Variants in SAMMSON observed in about 807,000 individuals in gnomAD.
The protein encoded by SAMMSON is survival associated mitochondrial melanoma specific oncogenic non-coding RNA, also known as long intergenic non-protein coding RNA 1212.
intron 4 of SAMMSON, among the ~76,000 whole-genome samples, chr3:70,176,256 G>C (rs1701008143): frequency 6.6e-6 from 1 of 152,172 alleles, no homozygotes; most frequent in Non-Finnish European, 1.5e-5. Context: ...GGTTATACCT[G>C]TAAGAGGCCA....
chr3:70,352,774 GA>G (rs1702802621), intron 7 of SAMMSON, among the ~76,000 whole-genome samples: 2 of 151,690 alleles, frequency 1.3e-5, no homozygotes, highest in Admixed American at 6.6e-5. Context: ...TTTTCCAAAG[GA>G]AAAAAAGGAG....
intron 2 of SAMMSON, among the ~76,000 whole-genome samples, chr3:70,432,615 A>T (rs1031368356): frequency 3.9e-5 from 6 of 152,040 alleles, no homozygotes; most frequent in African/African-American, 1.2e-4. Context: ...ACCTTGTGTT[A>T]GTATGGTCCA....
intron 4 of SAMMSON, chr3:70,125,267 T>C: frequency 7.9e-7 from 1 of 1,272,886 alleles, no homozygotes; most frequent in South Asian, 1.2e-5. Context: ...CATGATCTAC[T>C]GTGTTTCTGA....
At chr3:70,182,374 C>T (rs937370096) in intron 4 of SAMMSON, among the ~76,000 whole-genome samples, 3 of 152,094 alleles carry the variant, frequency 2.0e-5, no homozygotes, top group Non-Finnish European at 2.9e-5. Flanking sequence ...GGCTTCTGCC[C>T]AGTCGTTTGT....
chr3:70,213,129 T>C (rs936454121), intron 4 of SAMMSON, among the ~76,000 whole-genome samples: 1 of 152,036 alleles, frequency 6.6e-6, no homozygotes, highest in Non-Finnish European at 1.5e-5. Context: ...CTCCCTCCTC[T>C]GTCTCTCTTT....
intron 4 of SAMMSON, among the ~76,000 whole-genome samples, chr3:70,131,275 G>C (rs531554773): frequency 9.0e-4 from 137 of 152,308 alleles, no homozygotes; most frequent in African/African-American, 3.2e-3. Flanking sequence ...AAAGCAGGAT[G>C]CTTTTGAAAG....
At chr3:70,260,370 C>G (rs1353232398) in intron 6 of SAMMSON, among the ~76,000 whole-genome samples, 2 of 152,110 alleles carry the variant, frequency 1.3e-5, no homozygotes, top group African/African-American at 4.8e-5. Flanking sequence ...ACGACTTTAT[C>G]TTAAGTTAGC....
chr3:70,103,998 T>G (rs2067356010), intron 4 of SAMMSON, among the ~76,000 whole-genome samples: 1 of 151,420 alleles, frequency 6.6e-6, no homozygotes, highest in African/African-American at 2.4e-5. Context: ...TTTAAGCTTT[T>G]TTTTTTTTTT....
chr3:70,303,779 T>C (rs946455662), intron 7 of SAMMSON, among the ~76,000 whole-genome samples: 1 of 152,128 alleles, frequency 6.6e-6, no homozygotes, highest in African/African-American at 2.4e-5. Flanking sequence ...CCTCCTGGGT[T>C]CCAGAGATTC....
intron 7 of SAMMSON, among the ~76,000 whole-genome samples, chr3:70,352,404 T>A (rs374921863): frequency 2.0e-5 from 3 of 152,234 alleles, no homozygotes; most frequent in East Asian, 3.9e-4. Flanking sequence ...CCCAGAATCC[T>A]ATATCCAGCA....
intron 4 of SAMMSON, among the ~76,000 whole-genome samples, chr3:70,111,873 G>T (rs1229141674): frequency 6.6e-6 from 1 of 152,082 alleles, no homozygotes; most frequent in African/African-American, 2.4e-5. Context: ...AAGAAAGACA[G>T]ATCTAAACAA....
chr3:70,206,524 GT>G, intron 4 of SAMMSON: 1 of 397,236 alleles, frequency 2.5e-6, no homozygotes, highest in Non-Finnish European at 4.4e-6. Context: ...GGGGATGGGG[GT>G]TGGGAGCTTT....
At chr3:70,058,515 C>T (rs2067175907) in intron 3 of SAMMSON, among the ~76,000 whole-genome samples, 1 of 151,942 alleles carries the variant, frequency 6.6e-6, no homozygotes. Flanking sequence ...ATGTCCTGGA[C>T]CCAGTTCTAG....
chr3:70,208,592 A>T (rs1310974188), intron 4 of SAMMSON, among the ~76,000 whole-genome samples: 1 of 152,074 alleles, frequency 6.6e-6, no homozygotes, highest in Non-Finnish European at 1.5e-5. Context: ...GAAGCTCCTC[A>T]GGTGATTCCG....
chr3:70,251,066 C>A (rs556765054), intron 6 of SAMMSON, among the ~76,000 whole-genome samples: 1 of 152,300 alleles, frequency 6.6e-6, no homozygotes, highest in East Asian at 1.9e-4. Flanking sequence ...ACGGTTGAAT[C>A]GTATTCATTA....
intron 6 of SAMMSON, among the ~76,000 whole-genome samples, chr3:70,260,789 A>G (rs1469532890): frequency 6.6e-6 from 1 of 151,936 alleles, no homozygotes; most frequent in Non-Finnish European, 1.5e-5. Context: ...GCTCCAAGGT[A>G]CTATTGTCCC....
intron 4 of SAMMSON, among the ~76,000 whole-genome samples, chr3:70,217,890 T>A (rs1402771348): frequency 6.6e-6 from 1 of 152,170 alleles, no homozygotes; most frequent in Non-Finnish European, 1.5e-5. Flanking sequence ...TCTATCAGGT[T>A]AATATCCATT....
intron 4 of SAMMSON, among the ~76,000 whole-genome samples, chr3:70,104,581 G>A (rs1253059534): frequency 6.6e-6 from 1 of 152,146 alleles, no homozygotes; most frequent in East Asian, 1.9e-4. Flanking sequence ...AAAAGGAGCT[G>A]GGTCAAGGTG....
intron 4 of SAMMSON, among the ~76,000 whole-genome samples, chr3:70,209,278 C>T (rs929303519): frequency 9.2e-5 from 14 of 152,000 alleles, no homozygotes; most frequent in Admixed American, 6.6e-4. Flanking sequence ...GCTAGTAGCA[C>T]CTGACCCTCT....
Sources: allele counts gnomAD v4.1 joint callset (sites outside exome capture counted in the v4.1 genomes callset), GRCh38; gene constraint gnomAD v4.1.1; transcripts MANE v1.5; gene names NCBI Gene and HGNC (gene_info 2026-07-23, HGNC 2026-07-21).